SV2B: variants seen among roughly 807,000 people sequenced by gnomAD.
SV2B encodes solute carrier family 22 member B2.
A neutral mutation model predicts 73.9 loss-of-function variants in SV2B; 41 were observed. The ratio of observed to expected loss-of-function variants is 0.56; its 90% confidence interval spans 0.43 to 0.72. The LOEUF (loss-of-function observed/expected upper bound fraction) is 0.72. SV2B is among the 30% of genes least tolerant of loss of function. The probability of loss-of-function intolerance (pLI) is 0.00; values close to 1 mark genes in which losing one functional copy is unlikely to be tolerated. For synonymous variants in SV2B, 314 were observed against 314.2 expected, an observed-to-expected ratio of 1.00 and a Z score of 0.01; for missense variants, 764 against 857.8, an observed-to-expected ratio of 0.89 and a Z score of 1.37.
Position 91,234,386 on chromosome 15 carries a change from C to A in SV2B, c.451+7672C>A, listed in dbSNP as rs994974963. On this transcript the variant is annotated intron_variant, in intron 2 of 12. Transcript: ENST00000394232. This position sits in a 1 kb window ranked among gnomAD's most constrained non-coding sequence, Gnocchi z 5.6. ...GTCATGGAGTTGCAATACCTAAATGCAGTGGGAATAATTGGATCCCAGGGT... is the reference window on the plus strand; with the variant it reads ...GTCATGGAGTTGCAATACCTAAATGAAGTGGGAATAATTGGATCCCAGGGT... Among the ~76,000 whole-genome samples the A allele has an allele frequency of 6.6e-6, 1 of 152,120 alleles. No individual in the cohort carries two copies. The highest frequency in any genetic ancestry group is 2.4e-5 in the African/African-American group (1 of 41,424).
rs564066077 is a variant in SV2B, at chr15:91,182,665, A to G, written c.-391-43208A>G. 6.6e-5 allele frequency among the ~76,000 whole-genome samples: 10 copies of G among 152,330 alleles called. No individual in the cohort carries two copies. The East Asian group carries it at 1.9e-3, about 29-fold the overall frequency. On this transcript the variant is annotated intron_variant, in intron 1 of 12. Transcript: ENST00000394232. ...ATCTACGATGGGTCAGCATGAAGTC[A>G]TAGCTGGAAGAAACTATTCCAAGAG...
At chr15:91,167,976 G>T (rs2043974291) in intron 1 of SV2B, among the ~76,000 whole-genome samples, 1 of 152,060 alleles carries the variant, frequency 6.6e-6, no homozygotes, top group Non-Finnish European at 1.5e-5. Context: ...CCTTTGTGGT[G>T]CTGTTTGGTT....
rs758267389 is a variant in SV2B, at chr15:91,266,659, C to A, written c.1086C>A (p.Arg362=). ...GTTCAACAGGAACCTGGTACCAGCG[C>A]TGGCTGGTCAGATTCAAGACCATTT... ...IQSSTGTWYQ[R]WLVRFKTIFK... is the part of the protein sequence containing the mutation. Residue 362 remains arginine, a synonymous_variant, in exon 7 of 13, where the codon CGC becomes CGA. Coordinates refer to ENST00000394232, the MANE Select transcript of SV2B (RefSeq NM_001323032.3). The A allele has an allele frequency of 6.2e-7, 1 of 1,614,032 alleles. No homozygotes were observed. The highest frequency in any genetic ancestry group is 1.3e-5 in the African/African-American group (1 of 75,044).
chr15:91,209,467 C>T (rs2045775620), intron 1 of SV2B, among the ~76,000 whole-genome samples: 1 of 152,126 alleles, frequency 6.6e-6, no homozygotes, highest in Non-Finnish European at 1.5e-5. Context: ...CGAGTGTTGA[C>T]ATTATTTGGA....
chr15:91,288,728 A>G lies in SV2B; in HGVS notation c.1709-793A>G, dbSNP rs988002280. Among the ~76,000 whole-genome samples, 3 of 149,566 alleles carry G rather than the reference A, an allele frequency of 2.0e-5. No homozygotes were observed. The highest frequency in any genetic ancestry group is 7.4e-5 in the African/African-American group (3 of 40,430). On this transcript the variant is annotated intron_variant, in intron 11 of 12. Transcript: ENST00000394232. The surrounding 1 kb of genome is among the most constrained non-coding windows in gnomAD (Gnocchi z 5.8). The stretch of plus-strand genomic sequence containing the variant: ...TGTCTTGCTCTGTCACCCAGGCTGG[A>G]GTACAGTGGCGCCATCTCGGCTCAC...
chr15:91,187,185 CAT>C (rs1159355803), intron 1 of SV2B, among the ~76,000 whole-genome samples: 1 of 152,188 alleles, frequency 6.6e-6, no homozygotes, highest in Non-Finnish European at 1.5e-5. Context: ...CATTTTGTGA[CAT>C]ATTGTTGGAG....
At position 91,276,609 on chromosome 15, in the gene SV2B, G is replaced by A. The variant is rs531975540; in HGVS notation, c.1374-5119G>A. Among the ~76,000 whole-genome samples, 3 of 151,752 alleles carry A rather than the reference G, an allele frequency of 2.0e-5. No individual in the cohort carries two copies. In the East Asian group the frequency reaches 5.8e-4, roughly 29 times the overall value. On this transcript the variant is annotated intron_variant, in intron 9 of 12. Transcript: ENST00000394232. The stretch of plus-strand genomic sequence containing the variant: ...TGAGCCTAATAATGAGTCTATCAAC[G>A]ACATTCTTAATATCTGTTACATTAT...
intron 1 of SV2B, among the ~76,000 whole-genome samples, chr15:91,178,900 T>A (rs1198518221): frequency 6.7e-6 from 1 of 149,282 alleles, no homozygotes; most frequent in Non-Finnish European, 1.5e-5. Context: ...CCTTCAGTTC[T>A]GCTCTGATTT....
chr15:91,168,318 G>C (rs2043990157), intron 1 of SV2B, among the ~76,000 whole-genome samples: 1 of 151,862 alleles, frequency 6.6e-6, no homozygotes, highest in South Asian at 2.1e-4. Context: ...GAGAGAGAGA[G>C]AGAGAGAGAG....
chr15:91,299,736 C>T lies in SV2B; in HGVS notation c.*7184C>T, dbSNP rs906212570. The T allele has an allele frequency of 2.6e-5, 4 of 152,152 alleles. No individual in the cohort carries two copies. The highest frequency in any genetic ancestry group is 7.2e-5 in the African/African-American group (3 of 41,424). The allele number at this position is 152,152 out of a possible 1,614,324, so 9.4% of individuals were successfully genotyped here. On this transcript the variant is annotated 3_prime_UTR_variant, in exon 13 of 13. Transcript: ENST00000394232. ...CTTGGCTTGCTGCAATCTCCACCTC[C>T]CAGGTTCAAGCGATTCTCCCACCTC...
chr15:91,166,364 A>G (rs2043910934), intron 1 of SV2B, among the ~76,000 whole-genome samples: 1 of 152,006 alleles, frequency 6.6e-6, no homozygotes, highest in East Asian at 1.9e-4. Flanking sequence ...AAAATATTTT[A>G]AATATAATTA....
intron 1 of SV2B, among the ~76,000 whole-genome samples, chr15:91,163,928 A>T (rs1230133846): frequency 2.0e-5 from 3 of 152,146 alleles, no homozygotes; most frequent in Non-Finnish European, 4.4e-5. Flanking sequence ...TCCATCTTGA[A>T]TTAATTTTTG....
chr15:91,183,958 C>T (rs1310844141), intron 1 of SV2B, among the ~76,000 whole-genome samples: 1 of 135,394 alleles, frequency 7.4e-6, no homozygotes, highest in Non-Finnish European at 1.6e-5. Context: ...CAAATAATCG[C>T]CTGGGGACAA....
intron 1 of SV2B, among the ~76,000 whole-genome samples, chr15:91,191,467 G>A (rs1005415297): frequency 3.3e-5 from 5 of 151,970 alleles, no homozygotes; most frequent in African/African-American, 1.2e-4. Context: ...CAAGAATCTT[G>A]TTAAGCCAGT....
intron 1 of SV2B, among the ~76,000 whole-genome samples, chr15:91,205,578 C>T (rs1175549806): frequency 1.2e-4 from 18 of 151,952 alleles, no homozygotes. Context: ...GTTGGCCAGA[C>T]TGGTCTCGAA....
Position 91,209,907 on chromosome 15 carries a change from G to A in SV2B, c.-391-15966G>A, listed in dbSNP as rs759644941. On this transcript the variant is annotated intron_variant, in intron 1 of 12. Coordinates refer to ENST00000394232, the MANE Select transcript of SV2B (RefSeq NM_001323032.3). ...GAACTGCACAAAACACTAGGCTTTA[G>A]CACTAAATATGTTTGCATTCCTGGC... Among the ~76,000 whole-genome samples the A allele has an allele frequency of 2.1e-3, 316 of 152,288 alleles. 3 individuals are homozygous for A. The highest frequency in any genetic ancestry group is 2.4e-3 in the Non-Finnish European group (161 of 68,028).
intron 1 of SV2B, among the ~76,000 whole-genome samples, chr15:91,112,891 A>T (rs1044683616): frequency 1.3e-5 from 2 of 152,160 alleles, no homozygotes; most frequent in Non-Finnish European, 2.9e-5. Context: ...GTCATGGCTC[A>T]CTGCAGCCTC....
chr15:91,291,523 A>G (rs1377299560), intron 12 of SV2B, among the ~76,000 whole-genome samples: 1 of 152,252 alleles, frequency 6.6e-6, no homozygotes, highest in Non-Finnish European at 1.5e-5. Flanking sequence ...TCATGAAAGA[A>G]TAAATGATTA....
chr15:91,222,723 C>T (rs2046258186), intron 1 of SV2B, among the ~76,000 whole-genome samples: 1 of 152,214 alleles, frequency 6.6e-6, no homozygotes, highest in African/African-American at 2.4e-5. Flanking sequence ...GATATTGATT[C>T]TCTGTGTTAA....
Sources: allele counts gnomAD v4.1 joint callset (sites outside exome capture counted in the v4.1 genomes callset), GRCh38; gene constraint gnomAD v4.1.1; non-coding constraint Gnocchi (gnomAD v3.1); transcripts MANE v1.5; gene names NCBI Gene and HGNC (gene_info 2026-07-23, HGNC 2026-07-21).